The following ALG12 variants were observed in gnomAD, a reference collection of about 807,000 sequenced individuals.
ALG12 encodes the protein ALG12 alpha-1,6-mannosyltransferase, also known as dol-P-Man:Man(7)GlcNAc(2)-PP-Dol alpha-1,6-mannosyltransferase.
In ALG12, 36 loss-of-function variants were observed where a neutral mutation model predicts 46.0. The observed-to-expected ratio is 0.78, with a 90% confidence interval of 0.60 to 1.03. The LOEUF is 1.03. Among genes scored for constraint, ALG12 ranks in the 50% least tolerant of loss-of-function variants. ALG12 has a pLI of 0.00. For synonymous variants in ALG12, 326 were observed against 291.6 expected (o/e 1.12, Z -1.20); for missense variants, 599 against 633.5 (o/e 0.95, Z 0.58).
At chr22:49,895,449 C>T (rs962018894), downstream of ALG12, among the ~76,000 whole-genome samples, 20 of 151,976 alleles carry the variant, frequency 1.3e-4, no homozygotes, top group Admixed American at 2.0e-4. Flanking sequence ...GTCAGGAGTT[C>T]GAGACCAGCC....
chr22:49,884,691 C>G, the ALG12 span: 1 of 1,599,968 alleles, frequency 6.3e-7, no homozygotes, highest in Non-Finnish European at 8.5e-7. Flanking sequence ...TGCAGGAGAA[C>G]GGGGGCACGG....
Position 49,904,341 on chromosome 22 carries a change from C to T in ALG12, c.1158G>A (p.Gln386=), listed in dbSNP as rs372390738. ...MQRLHQLVPP[Q]TDVLLHIDVA... is the part of the protein sequence containing the mutation. ...GGCAGTGCCCCCAGCACCCACCTGT[C>T]TGGGGGGGCACCAGCTGGTGCAGCC... Residue 386 remains glutamine, a synonymous_variant, in exon 8 of 10, where the codon CAG becomes CAA. Transcript: ENST00000330817. The T allele has an allele frequency of 6.2e-7, 1 of 1,614,222 alleles. No individual in the cohort carries two copies.
At chr22:49,869,230 A>G in the ALG12 span, among the ~76,000 whole-genome samples, 1 of 151,844 alleles carries the variant, frequency 6.6e-6, no homozygotes, top group Non-Finnish European at 1.5e-5. Flanking sequence ...TGTGGCTTTG[A>G]TTCACGTACA....
chr22:49,877,998 T>C, the ALG12 span, among the ~76,000 whole-genome samples: 2 of 152,310 alleles, frequency 1.3e-5, no homozygotes, highest in South Asian at 2.1e-4. Flanking sequence ...CTGCTGTGAA[T>C]TTTATATGTA....
the ALG12 span, among the ~76,000 whole-genome samples, chr22:49,893,449 A>G: frequency 2.0e-5 from 3 of 152,240 alleles, no homozygotes; most frequent in Admixed American, 2.0e-4. Flanking sequence ...TCAGAGGAGC[A>G]ATAAAGCTGG....
chr22:49,872,159 A>G, the ALG12 span, among the ~76,000 whole-genome samples: 3 of 152,196 alleles, frequency 2.0e-5, no homozygotes, highest in Admixed American at 6.5e-5. Context: ...ATTGTAGTCA[A>G]TCCTCTCAAA....
the ALG12 span, chr22:49,886,548 C>A: frequency 1.9e-6 from 3 of 1,563,678 alleles, no homozygotes; most frequent in Non-Finnish European, 2.6e-6. This position sits in a 1 kb window ranked among gnomAD's most constrained non-coding sequence, Gnocchi z 7.7. Context: ...CCATGGTACA[C>A]ATCCTCAACA....
the ALG12 span, among the ~76,000 whole-genome samples, chr22:49,877,117 G>A: frequency 6.6e-6 from 1 of 152,014 alleles, no homozygotes; most frequent in South Asian, 2.1e-4. Context: ...GCAGTGAGCT[G>A]CAATTTTTTT....
chr22:49,879,015 C>T, the ALG12 span, among the ~76,000 whole-genome samples: 5 of 149,492 alleles, frequency 3.3e-5, no homozygotes, highest in African/African-American at 4.9e-5. Context: ...TGTGGTGGCG[C>T]GTGCCTGTAG....
chr22:49,904,687 T>C lies in ALG12; in HGVS notation c.993-181A>G, dbSNP rs562917827. On this transcript the variant is annotated intron_variant, in intron 7 of 9. Coordinates refer to ENST00000330817, the MANE Select transcript of ALG12 (RefSeq NM_024105.4). ...AGTGGTTAAGATACTGCCTCAAGAATTGTCTGTGAAATTCTACCCAAGATG... is the reference window on the plus strand; with the variant it reads ...AGTGGTTAAGATACTGCCTCAAGAACTGTCTGTGAAATTCTACCCAAGATG... The C allele has an allele frequency of 3.8e-5, 25 of 663,756 alleles. No individual in the cohort carries two copies. In the East Asian group the frequency reaches 4.7e-4, roughly 13 times the overall value. The allele number at this position is 663,756 out of a possible 1,614,324, so 41.1% of individuals were successfully genotyped here.
the ALG12 span, chr22:49,884,372 C>T: frequency 6.2e-7 from 1 of 1,612,906 alleles, no homozygotes; most frequent in Non-Finnish European, 8.5e-7. Flanking sequence ...GAAATCTCCT[C>T]TGACATGTCC....
chr22:49,894,697 A>G, the ALG12 span, among the ~76,000 whole-genome samples: 39,166 of 152,248 alleles, frequency 0.26, 9,994 homozygotes, highest in African/African-American at 0.66. Flanking sequence ...GAAATAGACA[A>G]TCACAGTGAG....
At chr22:49,892,867 G>T in the ALG12 span, among the ~76,000 whole-genome samples, 1 of 152,118 alleles carries the variant, frequency 6.6e-6, no homozygotes, top group Admixed American at 6.6e-5. Context: ...TGAAAAAAAG[G>T]ACTAAGTGAC....
chr22:49,887,308 G>T, the ALG12 span: 1 of 986,592 alleles, frequency 1.0e-6, no homozygotes, highest in South Asian at 1.7e-5. Context: ...CCGCTCTCCA[G>T]CTCACCACAG....
At position 49,907,882 on chromosome 22, in the gene ALG12, G is replaced by C. The variant is rs753341759; in HGVS notation, c.831C>G (p.Leu277=). 1.2e-6 allele frequency: 2 copies of C among 1,613,904 alleles called. No individual in the cohort carries two copies. Among genetic ancestry groups the C allele is most frequent in the Admixed American group, 1.7e-5 (1 of 60,032 alleles). The part of the protein sequence containing the change: ...ALPRGLGCSL[L]FIPLGLVDRR... ...TGTCTACCAAGCCCAGGGGGATGAA[G>C]AGCAGGCTGCAGCCCAGGCCGCGGG... Residue 277 remains leucine, a synonymous_variant, in exon 7 of 10, where the codon CTC becomes CTG. Transcript: ENST00000330817.
the ALG12 span, among the ~76,000 whole-genome samples, chr22:49,864,277 G>T: frequency 7.2e-5 from 11 of 152,204 alleles, no homozygotes; most frequent in Admixed American, 5.2e-4. Context: ...TTGGAATATC[G>T]CATAATGTCT....
the ALG12 span, among the ~76,000 whole-genome samples, chr22:49,859,693 T>C: frequency 6.6e-6 from 1 of 152,258 alleles, no homozygotes; most frequent in African/African-American, 2.4e-5. Context: ...GTTCAGTCAA[T>C]TTGAATTATA....
At chr22:49,899,432 C>T (rs367721073), downstream of ALG12, among the ~76,000 whole-genome samples, 3 of 150,992 alleles carry the variant, frequency 2.0e-5, no homozygotes, top group East Asian at 1.9e-4. Context: ...GAGCCGAGAT[C>T]GCACCACTGC....
rs752147480 is a variant in ALG12 at position 49,903,218 on chromosome 22, G to C, written c.*620C>G. 2.5e-6 allele frequency: 1 copy of C among 403,984 alleles called. No homozygotes were observed. The highest frequency in any genetic ancestry group is 1.8e-5 in the South Asian group (1 of 56,036). 25.0% of individuals were successfully genotyped at this position (403,984 alleles called of 1,614,324 possible). A position where few individuals can be genotyped will look rare whatever the true frequency, so the allele number is the denominator to read the frequency against. On this transcript the variant is annotated 3_prime_UTR_variant, in exon 10 of 10. Transcript: ENST00000330817. ...CATTCTCATTATTTTCTGTAATCTT[G>C]AGAGGTTCCAATCAACATTTATTGC...
Sources: allele counts gnomAD v4.1 joint callset (sites outside exome capture counted in the v4.1 genomes callset), GRCh38; gene constraint gnomAD v4.1.1; non-coding constraint Gnocchi (gnomAD v3.1); transcripts MANE v1.5; gene names NCBI Gene and HGNC (gene_info 2026-07-23, HGNC 2026-07-21).